The following MMD variants were observed in gnomAD, a reference collection of about 807,000 sequenced individuals.
MMD encodes the protein monocyte to macrophage differentiation factor.
A neutral mutation model predicts 33.6 loss-of-function variants in MMD; 22 were observed. The observed-to-expected ratio is 0.66, with a 90% confidence interval of 0.47 to 0.94. The LOEUF is 0.94. Among genes scored for constraint, MMD ranks in the 40% least tolerant of loss-of-function variants. The probability of loss-of-function intolerance (pLI) is 0.00; values close to 1 mark genes in which losing one functional copy is unlikely to be tolerated. For missense variants in MMD, 242 were observed against 309.8 expected, an observed-to-expected ratio of 0.78 and a Z score of 1.64; for synonymous variants, 97 against 103.2, an observed-to-expected ratio of 0.94 and a Z score of 0.36.
At chr17:55,406,958 G>A (rs1907572768) in intron 4 of MMD, among the ~76,000 whole-genome samples, 1 of 152,068 alleles carries the variant, frequency 6.6e-6, no homozygotes, top group African/African-American at 2.4e-5. Context: ...TTGAACCCAG[G>A]AGGCAGAGAT....
At chr17:55,414,083 G>A (rs1017790514) in intron 2 of MMD, 68 bp downstream of exon 2, 4 of 1,455,966 alleles carry the variant, frequency 2.7e-6, no homozygotes, top group Non-Finnish European at 3.9e-6. Flanking sequence ...GGTTACTAGA[G>A]ATAACTACCC....
intron 4 of MMD, chr17:55,404,802 C>T (rs534787233): frequency 1.2e-5 from 12 of 979,134 alleles, no homozygotes; most frequent in African/African-American, 1.8e-5. Flanking sequence ...TGGCTCACAC[C>T]TGTAATCCCA....
intron 2 of MMD, 26 bp from the exon 3 acceptor site, chr17:55,411,443 A>C (rs907927998): frequency 1.6e-5 from 25 of 1,597,862 alleles, no homozygotes; most frequent in Non-Finnish European, 2.0e-5. Flanking sequence ...AGAATGGTGA[A>C]TGGAATATTC....
At chr17:55,421,547 G>A in intron 1 of MMD, 123 bp downstream of exon 1, 2 of 1,373,952 alleles carry the variant, frequency 1.5e-6, no homozygotes, top group Non-Finnish European at 2.0e-6. Context: ...CTGATCCCTG[G>A]CCAAGGTGCG....
chr17:55,409,480 T>C (rs141969798), intron 3 of MMD, among the ~76,000 whole-genome samples: 89 of 152,334 alleles, frequency 5.8e-4, no homozygotes, highest in Non-Finnish European at 1.2e-3. Context: ...ACTTACCTCA[T>C]AGGTAAAGTG....
rs1289138506 is a variant in MMD, at chr17:55,407,779, A to G, written c.311T>C (p.Ile104Thr). Residue 104 changes from isoleucine (I) to threonine (T), a missense_variant, in exon 4 of 7, where the codon ATC becomes ACC. Coordinates refer to ENST00000262065, the MANE Select transcript of MMD (RefSeq NM_012329.3). Reference protein sequence around the residue: ...HCFHMCDRMVIYFFIAASYAP... With the variant: ...HCFHMCDRMVTYFFIAASYAP... ...ATAAGAAGCAGCAATGAAGAAATAG[A>G]TAACCATTCTATCACACATGTGAAA... 1 of 1,600,108 alleles carries G rather than the reference A, an allele frequency of 6.2e-7. No homozygotes were observed. The highest frequency in any genetic ancestry group is 8.5e-7 in the Non-Finnish European group (1 of 1,176,454).
chr17:55,404,993 T>C (rs1399105514), intron 4 of MMD, among the ~76,000 whole-genome samples: 3 of 146,278 alleles, frequency 2.1e-5, no homozygotes, highest in East Asian at 2.1e-4. Flanking sequence ...ACCCAGGAGG[T>C]AGAGGTTGCA....
chr17:55,418,728 C>T (rs1908064761), intron 1 of MMD, among the ~76,000 whole-genome samples: 1 of 152,182 alleles, frequency 6.6e-6, no homozygotes, highest in African/African-American at 2.4e-5. Context: ...TACCCCATGC[C>T]TATGATTTAG....
intron 2 of MMD, 128 bp from the exon 3 acceptor site, chr17:55,411,545 T>G (rs1036789612): frequency 8.7e-7 from 1 of 1,143,946 alleles, no homozygotes; most frequent in African/African-American, 1.6e-5. Context: ...TATTTGTCTC[T>G]CCTGGATAAT....
intron 6 of MMD, among the ~76,000 whole-genome samples, chr17:55,397,478 C>T (rs8070862): frequency 0.87 from 132,222 of 152,152 alleles, 57,969 homozygotes; most frequent in African/African-American, 0.95. Context: ...TTGAAGTTGA[C>T]AGGGTTTTTT....
At chr17:55,418,867 A>G (rs570426652) in intron 1 of MMD, among the ~76,000 whole-genome samples, 3 of 152,334 alleles carry the variant, frequency 2.0e-5, no homozygotes, top group East Asian at 3.9e-4. Flanking sequence ...GGCTGAGGAA[A>G]AGGGCTTCTT....
At chr17:55,408,370 G>T (rs1836350453) in intron 3 of MMD, among the ~76,000 whole-genome samples, 1 of 152,054 alleles carries the variant, frequency 6.6e-6, no homozygotes, top group South Asian at 2.1e-4. Context: ...ACTAACTTAG[G>T]AAAAACAGTA....
At chr17:55,403,355 T>C (rs1907418811) in intron 5 of MMD, among the ~76,000 whole-genome samples, 1 of 152,222 alleles carries the variant, frequency 6.6e-6, no homozygotes, top group East Asian at 1.9e-4. Context: ...CTTTTTGGAA[T>C]ACCCTCTAGG....
chr17:55,411,979 A>T (rs924217178), intron 2 of MMD, among the ~76,000 whole-genome samples: 32 of 152,266 alleles, frequency 2.1e-4, no homozygotes, highest in Admixed American at 5.9e-4. Flanking sequence ...TGGCAGGCTG[A>T]GGTGGGAAGA....
intron 2 of MMD, among the ~76,000 whole-genome samples, chr17:55,413,644 C>T (rs987567082): frequency 7.2e-5 from 11 of 152,112 alleles, no homozygotes; most frequent in Non-Finnish European, 5.9e-5. Context: ...GGGATCACAT[C>T]GGCTTTTTCT....
At position 55,421,728 on chromosome 17, in the gene MMD, T is replaced by G. The variant is rs751203573; in HGVS notation, c.-33A>C. ...CTGCTCCTCCTCGGGGGCCAGGAGC[T>G]CCGTCTCGTCAGCACCGGCGGCCGG... is the stretch of plus-strand genomic sequence containing the variant. On this transcript the variant is annotated 5_prime_UTR_variant, in exon 1 of 7. Coordinates refer to ENST00000262065, the MANE Select transcript of MMD (RefSeq NM_012329.3). The G allele has an allele frequency of 6.3e-7, 1 of 1,579,128 alleles. No individual in the cohort carries two copies. The highest frequency in any genetic ancestry group is 1.9e-5 in the Admixed American group (1 of 53,544).
At chr17:55,413,817 A>G (rs1907856093) in intron 2 of MMD, among the ~76,000 whole-genome samples, 1 of 152,198 alleles carries the variant, frequency 6.6e-6, no homozygotes, top group Non-Finnish European at 1.5e-5. Context: ...GATTGTCTTG[A>G]AAAGGCGATT....
At chr17:55,401,924 T>C (rs1054254951) in intron 5 of MMD, among the ~76,000 whole-genome samples, 10 of 151,926 alleles carry the variant, frequency 6.6e-5, no homozygotes, top group Admixed American at 5.2e-4. Flanking sequence ...TACAAAAAAT[T>C]AGCTGGGCGT....
At chr17:55,395,259 C>A (rs144804600) in intron 6 of MMD, among the ~76,000 whole-genome samples, 18 of 152,254 alleles carry the variant, frequency 1.2e-4, no homozygotes, top group African/African-American at 3.9e-4. Flanking sequence ...GGCCCATCTA[C>A]AAGATTAAAA....
Sources: allele counts gnomAD v4.1 joint callset (sites outside exome capture counted in the v4.1 genomes callset), GRCh38; gene constraint gnomAD v4.1.1; transcripts MANE v1.5; gene names NCBI Gene and HGNC (gene_info 2026-07-23, HGNC 2026-07-21).